Variants in MPPED1 observed in about 807,000 individuals in gnomAD.
MPPED1 encodes the protein metallophosphoesterase domain-containing protein 1.
MPPED1 carries 16 observed loss-of-function variants against 36.2 expected under a neutral mutation model. The observed-to-expected ratio is 0.44, with a 90% CI of 0.30 to 0.67. The LOEUF (loss-of-function observed/expected upper bound fraction) is 0.67. Among genes scored for constraint, MPPED1 ranks in the 30% least tolerant of loss-of-function variants. The probability of loss-of-function intolerance (pLI) is 0.10; values close to 1 mark genes in which losing one functional copy is unlikely to be tolerated. For missense variants in MPPED1, 307 were observed against 453.4 expected, an observed-to-expected ratio of 0.68 and a Z score of 2.93; for synonymous variants, 199 against 191.3, an observed-to-expected ratio of 1.04 and a Z score of -0.33.
intron 4 of MPPED1, among the ~76,000 whole-genome samples, chr22:43,480,991 T>C (rs2143892): frequency 0.033 from 4,961 of 152,102 alleles, 91 homozygotes; most frequent in South Asian, 0.051. Flanking sequence ...GCCCAGCTAA[T>C]TTTTGTATTT....
chr22:43,447,022 C>T (rs947480780), intron 3 of MPPED1, among the ~76,000 whole-genome samples: 1 of 152,150 alleles, frequency 6.6e-6, no homozygotes, highest in African/African-American at 2.4e-5. Context: ...AGTTGTGAGA[C>T]GGAGGGCAGG....
intron 3 of MPPED1, among the ~76,000 whole-genome samples, chr22:43,438,150 A>G (rs1930028604): frequency 6.6e-6 from 1 of 152,162 alleles, no homozygotes; most frequent in Non-Finnish European, 1.5e-5. Context: ...GTGGCTTCAT[A>G]GCCATGAGGG....
intron 4 of MPPED1, among the ~76,000 whole-genome samples, chr22:43,482,808 T>A (rs1602002949): frequency 6.6e-6 from 1 of 152,174 alleles, no homozygotes; most frequent in Admixed American, 6.5e-5. Flanking sequence ...CTGGGGTGGG[T>A]CGTGGCACTG....
At chr22:43,469,001 G>T (rs1447040044) in intron 3 of MPPED1, among the ~76,000 whole-genome samples, 1 of 152,184 alleles carries the variant, frequency 6.6e-6, no homozygotes, top group East Asian at 1.9e-4. Context: ...GGGGTGCTCT[G>T]TAGAGAGGCT....
chr22:43,431,021 ATTTTTTTTTTTTTTTTTTTTTTTTT>A (rs135076), intron 2 of MPPED1, among the ~76,000 whole-genome samples: 1 of 42,278 alleles, frequency 2.4e-5, no homozygotes, highest in Admixed American at 4.3e-4. Context: ...GTTGTTGTTA[ATTTTTTTTTTTTTTTTTTTTTTTTT>A]TTTTTTTTTT....
At chr22:43,434,767 C>A (rs1347151691) in intron 2 of MPPED1, among the ~76,000 whole-genome samples, 1 of 152,244 alleles carries the variant, frequency 6.6e-6, no homozygotes, top group Non-Finnish European at 1.5e-5. Context: ...TTAACCTTCC[C>A]AACAGCCCCC....
At chr22:43,413,350 G>C (rs145686794) in intron 1 of MPPED1, among the ~76,000 whole-genome samples, 1 of 151,406 alleles carries the variant, frequency 6.6e-6, no homozygotes, top group African/African-American at 2.4e-5. Context: ...CAGGCAGACA[G>C]GCACTGTCAA....
chr22:43,497,925 A>ATACG (rs1932474698), intron 4 of MPPED1, among the ~76,000 whole-genome samples: 2 of 81,740 alleles, frequency 2.4e-5, no homozygotes, highest in Non-Finnish European at 4.4e-5. Flanking sequence ...GCTGATATAT[A>ATACG]TATGTATATG....
chr22:43,465,369 C>G (rs1931129278), intron 3 of MPPED1, among the ~76,000 whole-genome samples: 1 of 152,256 alleles, frequency 6.6e-6, no homozygotes, highest in African/African-American at 2.4e-5. Flanking sequence ...CTGGGGACAT[C>G]CTGTAGCCGA....
intron 3 of MPPED1, among the ~76,000 whole-genome samples, chr22:43,464,026 A>G (rs373532083): frequency 1.3e-5 from 2 of 151,804 alleles, no homozygotes; most frequent in African/African-American, 4.8e-5. Context: ...CTCCTGCCTC[A>G]GTCTCCTGAG....
chr22:43,504,805 A>T (rs1278509887), intron 6 of MPPED1, among the ~76,000 whole-genome samples: 7 of 149,886 alleles, frequency 4.7e-5, no homozygotes, highest in Non-Finnish European at 7.4e-5. Flanking sequence ...GATGGTGGTG[A>T]TGGGGATGAT....
chr22:43,500,408 G>T lies in MPPED1; in HGVS notation c.748+2058G>T, dbSNP rs547024646. On this transcript the variant is annotated intron_variant, in intron 5 of 6. Transcript: ENST00000443721. ...TGATGGTGATGGAGGTGGTAGTGGTGGTGATGGAGGTGGTAATGGAGGTGG... is the reference window on the plus strand; with the variant it reads ...TGATGGTGATGGAGGTGGTAGTGGTTGTGATGGAGGTGGTAATGGAGGTGG... Among the ~76,000 whole-genome samples the T allele has an allele frequency of 5.1e-3, 774 of 151,264 alleles. 12 individuals are homozygous for T. Among genetic ancestry groups the T allele is most frequent in the African/African-American group, 0.018 (729 of 40,902 alleles).
intron 4 of MPPED1, among the ~76,000 whole-genome samples, chr22:43,477,183 C>G (rs980914977): frequency 6.6e-6 from 1 of 152,190 alleles, no homozygotes; most frequent in Non-Finnish European, 1.5e-5. Flanking sequence ...ATGTCTGAAC[C>G]TCTGTTATGT....
At chr22:43,419,126 T>G (rs1159140814) in intron 1 of MPPED1, 1 of 152,286 alleles carries the variant, frequency 6.6e-6, no homozygotes, top group Admixed American at 6.5e-5. Flanking sequence ...TGTTTGTAGG[T>G]GAAAAACTAA....
intron 3 of MPPED1, among the ~76,000 whole-genome samples, chr22:43,439,965 G>A (rs763192712): frequency 1.4e-4 from 21 of 152,226 alleles, no homozygotes; most frequent in Admixed American, 1.2e-3. Context: ...CAGAGCTCCT[G>A]GTCTAGGCTC....
At chr22:43,458,839 T>C (rs1930846251) in intron 3 of MPPED1, among the ~76,000 whole-genome samples, 2 of 152,208 alleles carry the variant, frequency 1.3e-5, no homozygotes, top group Non-Finnish European at 2.9e-5. Context: ...TCCTAGCGTT[T>C]GTATATCCCA....
Position 43,502,347 on chromosome 22 carries a change from G to A in MPPED1, c.749-297G>A, listed in dbSNP as rs1484614456. 2.0e-5 allele frequency among the ~76,000 whole-genome samples: 3 copies of A among 152,150 alleles called. No individual in the cohort carries two copies. Among genetic ancestry groups the A allele is most frequent in the Admixed American group, 6.5e-5 (1 of 15,280 alleles). On this transcript the variant is annotated intron_variant, in intron 5 of 6. Coordinates refer to ENST00000443721, the MANE Select transcript of MPPED1 (RefSeq NM_001044370.2). This position sits in a 1 kb window ranked among gnomAD's most constrained non-coding sequence, Gnocchi z 5.5. ...CTCGAGCACAGATGGTCTGGGGGGC[G>A]CCAGCAGTTACTGAGCACCCCACCC...
chr22:43,451,481 C>G (rs1421512478), intron 3 of MPPED1, among the ~76,000 whole-genome samples: 2 of 152,134 alleles, frequency 1.3e-5, no homozygotes, highest in African/African-American at 4.8e-5. Context: ...GATTTCACAC[C>G]TTTCGGAGTG....
chr22:43,463,631 G>A (rs1334030712), intron 3 of MPPED1, among the ~76,000 whole-genome samples: 1 of 151,704 alleles, frequency 6.6e-6, no homozygotes, highest in Non-Finnish European at 1.5e-5. Flanking sequence ...TATTTCTTTT[G>A]TAAAAGCACC....
Sources: gnomAD v4.1 joint callset for allele counts (sites outside exome capture counted in the v4.1 genomes callset) on GRCh38, gnomAD v4.1.1 for gene constraint, Gnocchi (gnomAD v3.1) non-coding constraint, MANE v1.5 for transcripts, NCBI Gene and HGNC (gene_info 2026-07-23, HGNC 2026-07-21) for gene names.